USP25: variants seen among roughly 807,000 people sequenced by gnomAD.
USP25 encodes ubiquitin carboxyl-terminal hydrolase 25.
USP25 carries 85 observed loss-of-function variants against 158.5 expected under a neutral mutation model. The observed-to-expected ratio is 0.54, with a 90% CI of 0.45 to 0.64. USP25 has a LOEUF of 0.64. USP25 is among the 30% of genes least tolerant of loss of function. USP25 has a pLI of 0.00. For synonymous variants in USP25, 464 were observed against 460.4 expected, an observed-to-expected ratio of 1.01 and a Z score of -0.10; for missense variants, 1,242 against 1,327.3, an observed-to-expected ratio of 0.94 and a Z score of 1.00.
At chr21:15,789,927 T>C (rs1290851524) in intron 4 of USP25, among the ~76,000 whole-genome samples, 1 of 152,098 alleles carries the variant, frequency 6.6e-6, no homozygotes, top group African/African-American at 2.4e-5. Context: ...CTTTCTTTTT[T>C]GAGCATAAAC....
At chr21:15,821,690 A>G (rs923214562) in intron 10 of USP25, among the ~76,000 whole-genome samples, 4 of 152,000 alleles carry the variant, frequency 2.6e-5, no homozygotes, top group African/African-American at 7.2e-5. Context: ...TAACTGGAAT[A>G]AAAAGTTTTT....
chr21:15,768,377 C>T (rs1010470443), intron 3 of USP25, among the ~76,000 whole-genome samples: 2 of 152,012 alleles, frequency 1.3e-5, no homozygotes, highest in African/African-American at 4.8e-5. Context: ...GTTGGCGTAA[C>T]AGTAATACTT....
At chr21:15,827,763 T>TGC (rs1267358636) in intron 14 of USP25, among the ~76,000 whole-genome samples, 16 of 121,958 alleles carry the variant, frequency 1.3e-4, no homozygotes, top group Non-Finnish European at 1.8e-4. Context: ...TGTGTGCGTG[T>TGC]GCGTGTGTGT....
At chr21:15,801,671 T>C (rs2036142101) in intron 6 of USP25, among the ~76,000 whole-genome samples, 1 of 151,574 alleles carries the variant, frequency 6.6e-6, no homozygotes, top group South Asian at 2.1e-4. Context: ...TAATAATGAA[T>C]TTACCGCCAA....
Position 15,833,548 on chromosome 21 carries a change from G to T in USP25, c.2194G>T (p.Ala732Ser). The T allele has an allele frequency of 6.2e-7, 1 of 1,609,980 alleles. No individual in the cohort carries two copies. The change falls in exon 17 of 26, where the codon GCA becomes TCA. Residue 732 changes from alanine (A) to serine (S), a missense_variant and splice_region_variant. Around this residue, in one of 3 missense-constraint regions of USP25, gnomAD observed 608 missense variants for 605.2 expected, o/e 1.00. Transcript: ENST00000400183. ...LRESETSVTTAQAAGDPEYLE... is the reference protein window; with the variant it reads ...LRESETSVTTSQAAGDPEYLE... ...AGAGTCAGAGACTTCTGTGACAACA[G>T]GTTTGTCCATTTTTATTAAGTTGTG... is the stretch of plus-strand genomic sequence containing the variant.
intron 2 of USP25, among the ~76,000 whole-genome samples, chr21:15,763,316 G>A (rs1370621459): frequency 6.6e-6 from 1 of 152,106 alleles, no homozygotes; most frequent in African/African-American, 2.4e-5. Flanking sequence ...GTGTATTAGA[G>A]GATGAGGTGT....
Position 15,730,302 on chromosome 21 carries a change from C to A in USP25, c.-92C>A. The A allele has an allele frequency of 9.9e-7, 1 of 1,013,422 alleles. No homozygotes were observed. Among genetic ancestry groups the A allele is most frequent in the Non-Finnish European group, 1.2e-6 (1 of 849,310 alleles). 62.8% of individuals were successfully genotyped at this position (1,013,422 alleles called of 1,614,324 possible). A position where few individuals can be genotyped will look rare whatever the true frequency, so the allele number is the denominator to read the frequency against. On this transcript the variant is annotated 5_prime_UTR_variant, in exon 1 of 26. Coordinates refer to ENST00000400183, the MANE Select transcript of USP25 (RefSeq NM_001283041.3). ...TCCTCCCAGGCCGTCCGCGCCGCTC[C>A]CTGGAGCTCGGCGGAGCGCGGCAGC...
chr21:15,842,456 G>A lies in USP25; in HGVS notation c.2253G>A (p.Lys751=), dbSNP rs2038382221. Residue 751 remains lysine (K), a synonymous_variant, in exon 18 of 26, where the codon AAG becomes AAA. Transcript: ENST00000400183. ...LEQPSRSDFS[K]HLKEETIQII... ...AGCCATCAAGAAGTGATTTCTCAAA[G>A]CACTTGAAAGAAGAAACTATTCAAA... 1.9e-6 allele frequency: 3 copies of A among 1,613,706 alleles called. No individual in the cohort carries two copies. The highest frequency in any genetic ancestry group is 2.5e-6 in the Non-Finnish European group (3 of 1,179,720).
chr21:15,762,085 A>AT (rs957010929), intron 1 of USP25, among the ~76,000 whole-genome samples: 1 of 151,154 alleles, frequency 6.6e-6, no homozygotes, highest in Non-Finnish European at 1.5e-5. Flanking sequence ...TCCATTGAAG[A>AT]TTCCTGACTG....
At chr21:15,878,110 C>T in intron 25 of USP25, 119 bp downstream of exon 25, 3 of 1,014,046 alleles carry the variant, frequency 3.0e-6, no homozygotes, top group Non-Finnish European at 4.2e-6. Context: ...TTAATATTTT[C>T]ACATTCACAT....
intron 8 of USP25, 23 bp from the exon 9 acceptor site, chr21:15,811,114 T>G (rs1253202047): frequency 6.3e-7 from 1 of 1,592,460 alleles, no homozygotes. Flanking sequence ...GTAATCACAT[T>G]TATATTTTTT....
chr21:15,755,467 T>C (rs1184437721), intron 1 of USP25, among the ~76,000 whole-genome samples: 1 of 152,232 alleles, frequency 6.6e-6, no homozygotes, highest in East Asian at 1.9e-4. Context: ...TTTTATTGAA[T>C]CTTTAATCTC....
chr21:15,870,311 A>G (rs900968254), intron 23 of USP25, among the ~76,000 whole-genome samples, 164 bp downstream of exon 23: 3 of 152,216 alleles, frequency 2.0e-5, no homozygotes, highest in Admixed American at 1.3e-4. Flanking sequence ...CAGTTGATAT[A>G]GAGACTTCCC....
intron 1 of USP25, among the ~76,000 whole-genome samples, chr21:15,736,599 T>C (rs562649117): frequency 9.2e-5 from 14 of 151,880 alleles, no homozygotes; most frequent in Non-Finnish European, 1.9e-4. Context: ...TTTGGCTCTT[T>C]TAATTTTAAA....
chr21:15,861,871 C>T (rs1322055070), intron 20 of USP25, among the ~76,000 whole-genome samples: 1 of 152,082 alleles, frequency 6.6e-6, no homozygotes, highest in African/African-American at 2.4e-5. Flanking sequence ...CTTTCTACCT[C>T]TGCTGGTTTA....
chr21:15,764,984 A>G (rs967203944), intron 2 of USP25, among the ~76,000 whole-genome samples: 4 of 152,120 alleles, frequency 2.6e-5, no homozygotes, highest in Non-Finnish European at 2.9e-5. Flanking sequence ...TAAGATAGCA[A>G]TAATATTGGA....
In USP25 at chr21:15,825,071, C is replaced by T. The variant is rs780820364; in HGVS notation, c.1304+10C>T. The T allele has an allele frequency of 6.4e-7, 1 of 1,568,586 alleles. No homozygotes were observed. ...AACAAAGGCTAGAAAGGTATTTTAA[C>T]TTTTATGAAATTAGGAGATAATTAT... On this transcript the variant is annotated intron_variant, in intron 12 of 25. Coordinates refer to ENST00000400183, the MANE Select transcript of USP25 (RefSeq NM_001283041.3).
chr21:15,773,637 T>C (rs909740533), intron 3 of USP25, among the ~76,000 whole-genome samples: 3 of 152,172 alleles, frequency 2.0e-5, no homozygotes, highest in Non-Finnish European at 4.4e-5. Context: ...AAAAAACATG[T>C]CTAAGAACAT....
intron 15 of USP25, 96 bp from the exon 16 acceptor site, chr21:15,831,305 T>C (rs1031440657): frequency 3.2e-5 from 37 of 1,167,914 alleles, no homozygotes; most frequent in South Asian, 5.6e-5. Flanking sequence ...AATGCTCTTA[T>C]GGTTTTCTCC....
Sources: allele counts gnomAD v4.1 joint callset (sites outside exome capture counted in the v4.1 genomes callset), GRCh38; gene constraint gnomAD v4.1.1; regional missense constraint gnomAD v4.1.1; transcripts MANE v1.5; gene names NCBI Gene and HGNC (gene_info 2026-07-23, HGNC 2026-07-21).